KAZN: variants seen among roughly 807,000 people sequenced by gnomAD.
KAZN encodes the protein kazrin.
KAZN carries 40 observed loss-of-function variants against 87.4 expected under a neutral mutation model. The observed-to-expected ratio is 0.46, with a 90% CI of 0.36 to 0.60. KAZN has a LOEUF of 0.60. Ranked by LOEUF, KAZN falls within the 20% of genes least tolerant of loss-of-function variation. The pLI is 0.00. For missense variants in KAZN, 898 were observed against 1,073.9 expected (o/e 0.84, Z 2.29); for synonymous variants, 466 against 458.3 (o/e 1.02, Z -0.22).
At position 15,034,672 on chromosome 1, in the gene KAZN, G is replaced by T. The variant is rs1244149039; in HGVS notation, c.419-77G>T. The T allele has an allele frequency of 3.9e-6, 6 of 1,551,604 alleles. No individual in the cohort carries two copies. The Admixed American group carries it at 1.1e-4, about 28-fold the overall frequency. On this transcript the variant is annotated intron_variant, in intron 2 of 14. Transcript: ENST00000376030. The stretch of plus-strand genomic sequence containing the variant: ...CACCTGTTACAAAGGTGACGGCGGT[G>T]ATGCCACTTCTCAGCACTCAGGCAT...
chr1:14,330,884 G>A (rs1317988765), intron 2 of KAZN, among the ~76,000 whole-genome samples: 4 of 152,294 alleles, frequency 2.6e-5, no homozygotes, highest in Non-Finnish European at 4.4e-5. Flanking sequence ...TACCTGACAA[G>A]TTCAACCTAT....
At chr1:14,688,907 G>A (rs1458772763) in intron 1 of KAZN, among the ~76,000 whole-genome samples, 1 of 152,156 alleles carries the variant, frequency 6.6e-6, no homozygotes, top group Non-Finnish European at 1.5e-5. Context: ...AGAGTTGATT[G>A]GTAAGGCTGG....
chr1:14,961,390 C>T (rs1425943310), intron 2 of KAZN, among the ~76,000 whole-genome samples: 4 of 152,130 alleles, frequency 2.6e-5, no homozygotes, highest in Non-Finnish European at 4.4e-5. Flanking sequence ...ACCACAGACC[C>T]GTAACTACCA....
intron 1 of KAZN, among the ~76,000 whole-genome samples, chr1:14,600,698 C>A (rs985282458): frequency 1.3e-5 from 2 of 148,562 alleles, no homozygotes; most frequent in Non-Finnish European, 3.0e-5. Context: ...AGACAGACTG[C>A]AAGGTAATGC....
chr1:14,571,059 G>T (rs1674834502), intron 2 of KAZN, among the ~76,000 whole-genome samples: 1 of 152,018 alleles, frequency 6.6e-6, no homozygotes, highest in Non-Finnish European at 1.5e-5. Flanking sequence ...GACCTCAACG[G>T]AATGACCTCC....
intron 2 of KAZN, among the ~76,000 whole-genome samples, chr1:14,557,025 A>T (rs867451833): frequency 6.6e-6 from 1 of 152,200 alleles, no homozygotes; most frequent in African/African-American, 2.4e-5. Context: ...GGGATGCCTG[A>T]GTCTACAAAT....
At chr1:14,511,454 G>T (rs1036529852) in intron 2 of KAZN, among the ~76,000 whole-genome samples, 11 of 152,312 alleles carry the variant, frequency 7.2e-5, no homozygotes, top group African/African-American at 2.6e-4. Context: ...CAAATTCTAA[G>T]TATGGCAGAA....
intron 2 of KAZN, among the ~76,000 whole-genome samples, chr1:15,008,602 C>T (rs1334011602): frequency 6.6e-6 from 1 of 152,196 alleles, no homozygotes; most frequent in African/African-American, 2.4e-5. Flanking sequence ...CAGGCAGGTT[C>T]AAAGGCCAGA....
intron 2 of KAZN, among the ~76,000 whole-genome samples, chr1:14,275,347 GT>G (rs1652262329): frequency 6.6e-6 from 1 of 152,034 alleles, no homozygotes; most frequent in African/African-American, 2.4e-5. Flanking sequence ...GACCTATTGA[GT>G]TAGAAACTCT....
intron 2 of KAZN, among the ~76,000 whole-genome samples, chr1:14,409,773 G>A (rs1295464349): frequency 6.6e-6 from 1 of 152,170 alleles, no homozygotes; most frequent in Non-Finnish European, 1.5e-5. Flanking sequence ...TGAGGGACTA[G>A]ACGCTCCCTT....
chr1:15,032,677 T>G (rs1042362201), intron 2 of KAZN, among the ~76,000 whole-genome samples: 4 of 152,010 alleles, frequency 2.6e-5, no homozygotes, highest in African/African-American at 7.2e-5. Context: ...GACCAGGCAC[T>G]GTGGCTCATG....
chr1:14,551,217 G>A (rs1298679939), intron 2 of KAZN, among the ~76,000 whole-genome samples: 3 of 152,080 alleles, frequency 2.0e-5, no homozygotes, highest in Admixed American at 6.6e-5. Context: ...CCTCTGCACC[G>A]ACTCATATGG....
rs113370910 is a variant in KAZN, at chr1:14,978,552, T to G, written c.418+17677T>G. Reference sequence around the variant, plus strand: ...GACCTGGGAAGCCCCTGAGGCAGTCTTCTTCTTTGTTCGTTTCTCTTAATC... The same window carrying G: ...GACCTGGGAAGCCCCTGAGGCAGTCGTCTTCTTTGTTCGTTTCTCTTAATC... On this transcript the variant is annotated intron_variant, in intron 2 of 14. Transcript: ENST00000376030. Among the ~76,000 whole-genome samples, 839 of 152,298 alleles carry G rather than the reference T, an allele frequency of 5.5e-3. 7 individuals are homozygous for G. The highest frequency in any genetic ancestry group is 0.012 in the South Asian group (58 of 4,822).
intron 1 of KAZN, among the ~76,000 whole-genome samples, chr1:14,801,966 C>T (rs866061270): frequency 3.9e-5 from 6 of 151,988 alleles, no homozygotes; most frequent in Non-Finnish European, 7.4e-5. Context: ...TTACACGCGT[C>T]GGCCACCGTG....
At chr1:14,721,837 G>A (rs903720625) in intron 1 of KAZN, among the ~76,000 whole-genome samples, 6 of 152,084 alleles carry the variant, frequency 3.9e-5, no homozygotes, top group African/African-American at 1.4e-4. Context: ...ATATACTCTG[G>A]GATACTGTGA....
intron 1 of KAZN, among the ~76,000 whole-genome samples, chr1:14,652,614 CACTCAT>C (rs1638501163): frequency 1.1e-5 from 1 of 93,196 alleles, no homozygotes; most frequent in Non-Finnish European, 2.3e-5. Flanking sequence ...CTCATGCACC[CACTCAT>C]CCACCCATCC....
At chr1:15,036,139 C>T (rs538119708) in intron 3 of KAZN, among the ~76,000 whole-genome samples, 1 of 152,076 alleles carries the variant, frequency 6.6e-6, no homozygotes, top group Non-Finnish European at 1.5e-5. Context: ...GCCACCACAG[C>T]CCCTGATGGG....
At chr1:13,999,992 A>G (rs1639707983) in intron 1 of KAZN, among the ~76,000 whole-genome samples, 1 of 152,196 alleles carries the variant, frequency 6.6e-6, no homozygotes, top group South Asian at 2.1e-4. Flanking sequence ...CCAAGACTAA[A>G]CCAGGAAGAG....
chr1:14,658,694 G>T (rs1638956630), intron 1 of KAZN, among the ~76,000 whole-genome samples: 1 of 152,082 alleles, frequency 6.6e-6, no homozygotes, highest in Non-Finnish European at 1.5e-5. Context: ...TAGAATCTCT[G>T]CAGTGGAAGG....
Sources: allele counts gnomAD v4.1 joint callset (sites outside exome capture counted in the v4.1 genomes callset), GRCh38; gene constraint gnomAD v4.1.1; transcripts MANE v1.5; gene names NCBI Gene and HGNC (gene_info 2026-07-23, HGNC 2026-07-21).